ST6GAL1: variants seen among roughly 807,000 people sequenced by gnomAD.
ST6GAL1 encodes the protein beta-galactoside alpha-2,6-sialyltransferase 1.
ST6GAL1 carries 20 observed loss-of-function variants against 38.0 expected under a neutral mutation model. The ratio of observed to expected loss-of-function variants is 0.53; its 90% CI spans 0.37 to 0.77. The LOEUF is 0.77. Ranked by LOEUF, ST6GAL1 falls within the 30% of genes least tolerant of loss-of-function variation. The pLI is 0.00. For synonymous variants in ST6GAL1, 196 were observed against 188.2 expected (o/e 1.04, Z -0.34); for missense variants, 432 against 496.4 (o/e 0.87, Z 1.23).
At chr3:187,023,815 C>T (rs989033242) in intron 2 of ST6GAL1, among the ~76,000 whole-genome samples, 29 of 151,396 alleles carry the variant, frequency 1.9e-4, no homozygotes, top group African/African-American at 6.8e-4. Context: ...AGCACACCAA[C>T]ATGGCACATG....
At chr3:186,988,651 C>T (rs1158602226) in intron 2 of ST6GAL1, among the ~76,000 whole-genome samples, 3 of 151,714 alleles carry the variant, frequency 2.0e-5, no homozygotes, top group African/African-American at 7.3e-5. Context: ...GTTGCTCACA[C>T]TCTGTAATCC....
In ST6GAL1 at chr3:187,074,276, C is replaced by A. The variant is rs763531128; in HGVS notation, c.922C>A (p.Leu308Ile). 8.1e-6 allele frequency: 13 copies of A among 1,611,296 alleles called. No homozygotes were observed. In the Admixed American group the frequency reaches 2.2e-4, roughly 27 times the overall value. The change falls in exon 7 of 8, where the codon CTT (leucine) becomes ATT (isoleucine). Residue 308 changes from leucine (L) to isoleucine (I), a missense_variant. Leu to Ile is a conservative substitution (Grantham distance 5, BLOSUM62 2). Transcript: ENST00000169298. ...PQMPWELWDI[L>I]QEISPEEIQP... is the part of the protein sequence containing the mutation. The stretch of plus-strand genomic sequence containing the variant: ...GATGCCTTGGGAGCTATGGGACATT[C>A]TTCAAGAAATCTCCCCAGAAGAGAT...
intron 2 of ST6GAL1, chr3:187,022,107 C>T (rs1717330107): frequency 6.6e-6 from 1 of 152,356 alleles, no homozygotes; most frequent in Admixed American, 6.5e-5. Context: ...GAAAGAAGTT[C>T]TGGAGGCCTG....
intron 2 of ST6GAL1, chr3:187,021,846 GGGTT>G (rs1195048291): frequency 4.6e-5 from 7 of 152,056 alleles, no homozygotes; most frequent in Non-Finnish European, 7.3e-5. Flanking sequence ...CAAGAGGACA[GGGTT>G]GGGTGAACTT....
At chr3:186,978,812 T>C (rs1579289140) in intron 2 of ST6GAL1, among the ~76,000 whole-genome samples, 1 of 152,210 alleles carries the variant, frequency 6.6e-6, no homozygotes, top group Non-Finnish European at 1.5e-5. Context: ...CCTTATACCC[T>C]GTCCCACCTC....
chr3:186,933,132 G>A (rs886248207), intron 1 of ST6GAL1, among the ~76,000 whole-genome samples: 2 of 152,170 alleles, frequency 1.3e-5, no homozygotes, highest in Non-Finnish European at 2.9e-5. Context: ...CCTACATTTC[G>A]CCTGTTTTAC....
chr3:186,970,794 T>C (rs1190650451), intron 2 of ST6GAL1, among the ~76,000 whole-genome samples: 1 of 152,214 alleles, frequency 6.6e-6, no homozygotes, highest in Non-Finnish European at 1.5e-5. Flanking sequence ...CACAGTTTAA[T>C]TGTTTGCCTA....
chr3:187,063,667 C>T (rs548352844), intron 5 of ST6GAL1, among the ~76,000 whole-genome samples: 4 of 152,274 alleles, frequency 2.6e-5, no homozygotes, highest in South Asian at 2.1e-4. Flanking sequence ...AGCACTTCTT[C>T]GTGATGATTC....
At chr3:187,045,702 C>G (rs1019935047) in intron 4 of ST6GAL1, among the ~76,000 whole-genome samples, 1 of 152,208 alleles carries the variant, frequency 6.6e-6, no homozygotes, top group African/African-American at 2.4e-5. Context: ...CTTGGCACCT[C>G]TGCTGTTGTG....
intron 2 of ST6GAL1, among the ~76,000 whole-genome samples, chr3:186,966,962 C>G (rs916622017): frequency 6.6e-6 from 1 of 152,172 alleles, no homozygotes; most frequent in African/African-American, 2.4e-5. Flanking sequence ...TGTGCCCTGC[C>G]AAATATCTCA....
At position 187,054,962 on chromosome 3, in the gene ST6GAL1, C is replaced by T. The variant is rs377281413; in HGVS notation, c.705+3616C>T. Among the ~76,000 whole-genome samples the T allele has an allele frequency of 1.0e-3, 158 of 151,986 alleles. 5 individuals carry two copies. In the South Asian group the frequency reaches 0.031, roughly 29 times the overall value. ...TGGTTGGTTAGGCTATTAGTTATTGCCTCAATTTCAGAGCCTGTTATTGGT... is the reference window on the plus strand; with the variant it reads ...TGGTTGGTTAGGCTATTAGTTATTGTCTCAATTTCAGAGCCTGTTATTGGT... On this transcript the variant is annotated intron_variant, in intron 5 of 7. Transcript: ENST00000169298.
At chr3:187,067,333 C>T (rs1719198991) in intron 5 of ST6GAL1, among the ~76,000 whole-genome samples, 1 of 151,166 alleles carries the variant, frequency 6.6e-6, no homozygotes, top group Admixed American at 6.6e-5. Flanking sequence ...GTGATCTGCC[C>T]ACCTCAGCTT....
At position 186,971,377 on chromosome 3, in the gene ST6GAL1, C is replaced by T. The variant is rs146227968; in HGVS notation, c.-183+7451C>T. 9.4e-4 allele frequency among the ~76,000 whole-genome samples: 143 copies of T among 152,320 alleles called. 1 individual carries two copies. Among genetic ancestry groups the T allele is most frequent in the African/African-American group, 3.2e-3 (131 of 41,568 alleles). ...CCTCCTGAAGTGCTGGGATTATAGG[C>T]GTGAGCCACTGTGCCCCCCCAACGT... On this transcript the variant is annotated intron_variant, in intron 2 of 7. Transcript: ENST00000169298.
chr3:187,028,096 G>C (rs11929270), intron 2 of ST6GAL1, among the ~76,000 whole-genome samples: 4,229 of 152,264 alleles, frequency 0.028, 191 homozygotes, highest in African/African-American at 0.097. Context: ...TCAAGTGAGA[G>C]TGGGAAGATA....
At chr3:186,968,732 C>T (rs1468745202) in intron 2 of ST6GAL1, among the ~76,000 whole-genome samples, 1 of 152,078 alleles carries the variant, frequency 6.6e-6, no homozygotes, top group African/African-American at 2.4e-5. Context: ...TTTATTTATC[C>T]ATTTACTTGT....
chr3:187,049,622 G>A (rs1269727887), intron 4 of ST6GAL1, among the ~76,000 whole-genome samples: 1 of 152,240 alleles, frequency 6.6e-6, no homozygotes, highest in Non-Finnish European at 1.5e-5. Flanking sequence ...ACACCCTGCA[G>A]TCATCAACCC....
chr3:186,999,209 AGGGCCGT>A (rs1716523833), intron 2 of ST6GAL1, among the ~76,000 whole-genome samples: 1 of 152,036 alleles, frequency 6.6e-6, no homozygotes, highest in African/African-American at 2.4e-5. Flanking sequence ...GCCTCTGTCT[AGGGCCGT>A]GGGACCATTA....
At chr3:186,985,432 A>T (rs927183268) in intron 2 of ST6GAL1, among the ~76,000 whole-genome samples, 17 of 131,794 alleles carry the variant, frequency 1.3e-4, no homozygotes, top group South Asian at 5.1e-4. Flanking sequence ...ATTTTTTTTT[A>T]AAGTGAGTAA....
chr3:186,999,924 T>G (rs1482848282), intron 2 of ST6GAL1, among the ~76,000 whole-genome samples: 3 of 151,978 alleles, frequency 2.0e-5, no homozygotes, highest in African/African-American at 7.3e-5. Flanking sequence ...ACTGCAGCCT[T>G]GAACTTGTGG....
Sources: gnomAD v4.1 joint callset for allele counts (sites outside exome capture counted in the v4.1 genomes callset) on GRCh38, gnomAD v4.1.1 for gene constraint, MANE v1.5 for transcripts, NCBI Gene and HGNC (gene_info 2026-07-23, HGNC 2026-07-21) for gene names.